Variants in CDH13 observed in about 807,000 individuals in gnomAD.
CDH13 encodes cadherin 13.
In CDH13, 24 loss-of-function variants were observed where a neutral mutation model predicts 63.8. The observed-to-expected ratio is 0.38, with a 90% CI of 0.27 to 0.53. CDH13 has a LOEUF of 0.53. Ranked by LOEUF, CDH13 falls within the 20% of genes least tolerant of loss-of-function variation. The pLI, the probability that CDH13 is intolerant of heterozygous loss-of-function variation, is 0.85. For synonymous variants in CDH13, 503 were observed against 355.3 expected (o/e 1.42, Z -4.67); for missense variants, 1,049 against 903.1 (o/e 1.16, Z -2.07).
chr16:83,142,377 G>A lies in CDH13; in HGVS notation c.483+16876G>A, dbSNP rs568451585. ...GGGTTTTGCCATGTTGGCCAGGCTGGTCTCGAATTTCTGTCCTCAGGACCC... is the reference window on the plus strand; with the variant it reads ...GGGTTTTGCCATGTTGGCCAGGCTGATCTCGAATTTCTGTCCTCAGGACCC... On this transcript the variant is annotated intron_variant, in intron 4 of 13. Coordinates refer to ENST00000567109, the MANE Select transcript of CDH13 (RefSeq NM_001257.5). 2.0e-5 allele frequency among the ~76,000 whole-genome samples: 3 copies of A among 152,072 alleles called. No individual in the cohort carries two copies. The South Asian group carries it at 6.2e-4, about 32-fold the overall frequency.
intron 1 of CDH13, among the ~76,000 whole-genome samples, chr16:82,752,624 A>C (rs1449907921): frequency 6.6e-6 from 1 of 152,236 alleles, no homozygotes; most frequent in African/African-American, 2.4e-5. Context: ...CTACTCAAAC[A>C]AGCTTAAGAA....
chr16:82,740,895 G>A (rs2033896691), intron 1 of CDH13, among the ~76,000 whole-genome samples: 4 of 152,194 alleles, frequency 2.6e-5, no homozygotes, highest in Admixed American at 6.5e-5. Context: ...TAATACATTC[G>A]ATCACAGCTG....
Position 82,685,936 on chromosome 16 carries a change from T to C in CDH13, c.45+58799T>C, listed in dbSNP as rs188243481. On this transcript the variant is annotated intron_variant, in intron 1 of 13. Transcript: ENST00000567109. ...AATGGCCGCCACCCACATATCATGG[T>C]TCCTCTAGTGGTTAAATCATGATGA... Among the ~76,000 whole-genome samples, 130 of 152,320 alleles carry C rather than the reference T, an allele frequency of 8.5e-4. 1 individual carries two copies. The highest frequency in any genetic ancestry group is 1.0e-4 in the Non-Finnish European group (7 of 68,016).
At chr16:83,560,059 G>T (rs1383290279) in intron 7 of CDH13, among the ~76,000 whole-genome samples, 1 of 152,064 alleles carries the variant, frequency 6.6e-6, no homozygotes, top group Non-Finnish European at 1.5e-5. Flanking sequence ...CAACACCCCA[G>T]CTCCTTCTAA....
rs74029262 is a variant in CDH13 at position 82,858,485 on chromosome 16, C to T, written c.157+12C>T. 605 of 1,472,658 alleles carry T rather than the reference C, an allele frequency of 4.1e-4. 1 individual carries two copies. The African/African-American group carries it at 7.8e-3, about 19-fold the overall frequency. The allele number at this position is 1,472,658 out of a possible 1,614,324, so 91.2% of individuals were successfully genotyped here. A position where few individuals can be genotyped will look rare whatever the true frequency, so the allele number is the denominator to read the frequency against. ...GTCAATTCTAAACTGTAAGCAATGTCACTCAAAGATGCTTTTAGACTCTTC... is the reference window on the plus strand; with the variant it reads ...GTCAATTCTAAACTGTAAGCAATGTTACTCAAAGATGCTTTTAGACTCTTC... On this transcript the variant is annotated intron_variant, in intron 2 of 13. Coordinates refer to ENST00000567109, the MANE Select transcript of CDH13 (RefSeq NM_001257.5).
intron 4 of CDH13, among the ~76,000 whole-genome samples, chr16:83,150,234 T>C (rs1442811373): frequency 1.2e-4 from 18 of 152,188 alleles, no homozygotes; most frequent in Non-Finnish European, 2.2e-4. Context: ...ATGAGAGTGA[T>C]CTTCTAAAAT....
At chr16:83,443,719 AAAAAAAAAAAAAAAAAATATATATATAT>A (rs1157217044) in intron 6 of CDH13, among the ~76,000 whole-genome samples, 4 of 90,128 alleles carry the variant, frequency 4.4e-5, no homozygotes, top group African/African-American at 2.3e-4. Context: ...AAAAAAAAAA[AAAAAAAAAAAAAAAAAATATATATATAT>A]ATATATATAT....
intron 7 of CDH13, among the ~76,000 whole-genome samples, chr16:83,512,453 G>T (rs988817541): frequency 1.2e-3 from 188 of 151,022 alleles, no homozygotes; most frequent in African/African-American, 4.4e-3. Flanking sequence ...GGTGGATCAC[G>T]AGGTCAGGAG....
At chr16:82,795,164 C>T (rs537694292) in intron 1 of CDH13, among the ~76,000 whole-genome samples, 1 of 152,284 alleles carries the variant, frequency 6.6e-6, no homozygotes, top group South Asian at 2.1e-4. Context: ...CAGGTGTTGG[C>T]ATGGAAGTTT....
At chr16:83,787,137 T>A (rs542358686) in intron 13 of CDH13, among the ~76,000 whole-genome samples, 1 of 152,292 alleles carries the variant, frequency 6.6e-6, no homozygotes, top group East Asian at 1.9e-4. Flanking sequence ...CTCCTGTAAT[T>A]CATATTATAT....
chr16:83,575,507 C>G (rs1347541835), intron 7 of CDH13, among the ~76,000 whole-genome samples: 1 of 152,222 alleles, frequency 6.6e-6, no homozygotes, highest in African/African-American at 2.4e-5. Flanking sequence ...CATCCAGCCC[C>G]TGCTCACACC....
intron 4 of CDH13, among the ~76,000 whole-genome samples, chr16:83,182,757 A>G (rs930461966): frequency 6.6e-6 from 1 of 152,254 alleles, no homozygotes; most frequent in African/African-American, 2.4e-5. Context: ...GGAATGAGCG[A>G]AAACCAAATT....
chr16:83,068,994 C>T lies in CDH13; in HGVS notation c.366+36776C>T, dbSNP rs964718264. 2.6e-5 allele frequency among the ~76,000 whole-genome samples: 4 copies of T among 152,174 alleles called. No homozygotes were observed. In the East Asian group the frequency reaches 7.7e-4, roughly 29 times the overall value. On this transcript the variant is annotated intron_variant, in intron 3 of 13. Transcript: ENST00000567109. ...GTTGAGGCAAAAGTTACCCATTTCC[C>T]ATGCCCCCAGTTCAGTTGTCTGGAT...
At chr16:82,767,526 C>A (rs1210713104) in intron 1 of CDH13, among the ~76,000 whole-genome samples, 1 of 152,210 alleles carries the variant, frequency 6.6e-6, no homozygotes, top group Non-Finnish European at 1.5e-5. Flanking sequence ...GTCTAGCTTA[C>A]CCTGATGCCA....
intron 8 of CDH13, among the ~76,000 whole-genome samples, chr16:83,664,875 G>T (rs929592560): frequency 2.0e-5 from 3 of 152,168 alleles, no homozygotes; most frequent in Non-Finnish European, 4.4e-5. Flanking sequence ...TGTTGTAGAT[G>T]TACAGTACCT....
chr16:82,760,099 G>T (rs1174212564), intron 1 of CDH13, among the ~76,000 whole-genome samples: 1 of 152,032 alleles, frequency 6.6e-6, no homozygotes, highest in East Asian at 1.9e-4. Flanking sequence ...TGATTTTATT[G>T]CACAATTTTC....
intron 7 of CDH13, among the ~76,000 whole-genome samples, chr16:83,536,830 C>T (rs1378331070): frequency 6.6e-6 from 1 of 152,070 alleles, no homozygotes; most frequent in African/African-American, 2.4e-5. Flanking sequence ...AACAGCAGCA[C>T]TAGTGATAAA....
At chr16:83,436,748 G>A (rs1338064294) in intron 6 of CDH13, among the ~76,000 whole-genome samples, 1 of 152,196 alleles carries the variant, frequency 6.6e-6, no homozygotes, top group African/African-American at 2.4e-5. Flanking sequence ...GCCAACTTTG[G>A]TGCCTGTGGC....
At chr16:82,778,570 GAAAAAAAAAAA>G (rs11350020) in intron 1 of CDH13, among the ~76,000 whole-genome samples, 1 of 85,788 alleles carries the variant, frequency 1.2e-5, no homozygotes, top group African/African-American at 4.7e-5. Flanking sequence ...ATCACGACCA[GAAAAAAAAAAA>G]AAAAAAAAAA....
Sources: allele counts gnomAD v4.1 joint callset (sites outside exome capture counted in the v4.1 genomes callset), GRCh38; gene constraint gnomAD v4.1.1; transcripts MANE v1.5; gene names NCBI Gene and HGNC (gene_info 2026-07-23, HGNC 2026-07-21).